POLQ: variants seen among roughly 807,000 people sequenced by gnomAD.
The protein encoded by POLQ is DNA polymerase theta.
POLQ carries 233 observed loss-of-function variants against 259.2 expected under a neutral mutation model. The observed-to-expected ratio is 0.90, with a 90% CI of 0.81 to 1.00. The LOEUF (loss-of-function observed/expected upper bound fraction) is 1.00, where lower values mean the gene tolerates loss of function less well. Ranked by LOEUF, POLQ falls within the 50% of genes least tolerant of loss-of-function variation. POLQ has a pLI of 0.00. For synonymous variants in POLQ, 1,025 were observed against 1,048.8 expected (o/e 0.98, Z 0.44); for missense variants, 2,871 against 3,051.6 (o/e 0.94, Z 1.39).
chr3:121,539,665 A>C, intron 3 of POLQ, 76 bp from the exon 4 acceptor site: 1 of 1,071,792 alleles, frequency 9.3e-7, no homozygotes, highest in Non-Finnish European at 1.4e-6. Flanking sequence ...CTATCCCAGA[A>C]CATAGACATA....
chr3:121,512,135 GA>G (rs2048260201), intron 9 of POLQ, 106 bp from the exon 10 acceptor site: 1 of 894,872 alleles, frequency 1.1e-6, no homozygotes, highest in Admixed American at 2.6e-5. Context: ...GACAAGAGAT[GA>G]TAGTGGTTGT....
intron 26 of POLQ, among the ~76,000 whole-genome samples, chr3:121,440,623 A>G (rs1465241914): frequency 1.3e-5 from 2 of 152,184 alleles, no homozygotes; most frequent in Non-Finnish European, 2.9e-5. Flanking sequence ...GGTGTGAGCT[A>G]CTACATGGCC....
intron 9 of POLQ, among the ~76,000 whole-genome samples, chr3:121,519,414 G>C (rs2108812181): frequency 6.8e-6 from 1 of 146,152 alleles, no homozygotes; most frequent in East Asian, 2.0e-4. Context: ...GGTGGCTCAA[G>C]CCTGTAATCC....
Position 121,487,835 on chromosome 3 carries a change from T to G in POLQ, c.5096A>C (p.Asn1699Thr), listed in dbSNP as rs2048026297. The G allele has an allele frequency of 6.2e-7, 1 of 1,609,756 alleles. No individual in the cohort carries two copies. Among genetic ancestry groups the G allele is most frequent in the East Asian group, 2.2e-5 (1 of 44,868 alleles). The change falls in exon 16 of 30, where the codon AAT (asparagine) becomes ACT (threonine). Residue 1699 changes from asparagine (N) to threonine (T), a missense_variant. Physicochemically the swap from Asn to Thr is moderately conservative, Grantham distance 65 (BLOSUM62 0). This residue lies in a region of POLQ where 2,080 missense variants were observed against 2,126.0 expected (regional missense o/e 0.98). Transcript: ENST00000264233. ...CATCTCAATCTTGCTTTTTACTTCA[T>G]TATTAGAAGAAAATGAAATTCCCTG... ...QVQGISFSSN[N>T]EVKSKIEMLE...
At chr3:121,491,397 C>T (rs2048067808) in intron 15 of POLQ, among the ~76,000 whole-genome samples, 1 of 145,840 alleles carries the variant, frequency 6.9e-6, no homozygotes, top group African/African-American at 2.5e-5. Context: ...AAAACGAATG[C>T]TTCTGTACAA....
chr3:121,460,582 G>C (rs1042855406), intron 24 of POLQ, among the ~76,000 whole-genome samples: 1 of 152,124 alleles, frequency 6.6e-6, no homozygotes, highest in African/African-American at 2.4e-5. Flanking sequence ...AGAATAGGAA[G>C]CTTAATTTTC....
Position 121,440,006 on chromosome 3 carries a change from A to C in POLQ, c.7375T>G (p.Tyr2459Asp). Reference protein sequence around the residue: ...YLPGIKDNNPYRKAHAERQAI... With the variant: ...YLPGIKDNNPDRKAHAERQAI... ...TTTCAACATACGTGAGCTTTACGAT[A>C]AGGGTTGTTGTCTTTGATTCCTGGC... The change falls in exon 27 of 30, where the codon TAT becomes GAT. Residue 2459 changes from tyrosine to aspartate, a missense_variant. This residue lies in a region of POLQ where 2,080 missense variants were observed against 2,126.0 expected (regional missense o/e 0.98). Coordinates refer to ENST00000264233, the MANE Select transcript of POLQ (RefSeq NM_199420.4). The C allele has an allele frequency of 6.2e-7, 1 of 1,613,542 alleles. No individual in the cohort carries two copies.
At chr3:121,499,575 T>C (rs914835228) in intron 12 of POLQ, among the ~76,000 whole-genome samples, 1 of 152,162 alleles carries the variant, frequency 6.6e-6, no homozygotes, top group Non-Finnish European at 1.5e-5. Flanking sequence ...TTTTTAATTA[T>C]AGACACTTCT....
At chr3:121,528,344 A>ATT (rs369377736) in intron 7 of POLQ, among the ~76,000 whole-genome samples, 5 of 138,196 alleles carry the variant, frequency 3.6e-5, no homozygotes, top group Non-Finnish European at 6.3e-5. Context: ...GGAAATTTTA[A>ATT]TTTTTTTTTT....
At chr3:121,447,777 T>C (rs1411051814) in intron 26 of POLQ, among the ~76,000 whole-genome samples, 1 of 152,216 alleles carries the variant, frequency 6.6e-6, no homozygotes, top group Non-Finnish European at 1.5e-5. Flanking sequence ...TCTGAGAAAG[T>C]CTTTATTTCT....
intron 9 of POLQ, among the ~76,000 whole-genome samples, chr3:121,518,856 T>A (rs192653861): frequency 6.6e-6 from 1 of 152,246 alleles, no homozygotes; most frequent in East Asian, 1.9e-4. Flanking sequence ...GCAGGGAATG[T>A]TCCTCCCAAG....
intron 1 of POLQ, 35 bp downstream of exon 1, chr3:121,545,680 C>A: frequency 6.6e-7 from 1 of 1,522,108 alleles, no homozygotes. Flanking sequence ...CGGAGCTGCC[C>A]CCGTTGCCCG....
intron 26 of POLQ, among the ~76,000 whole-genome samples, chr3:121,444,763 G>A (rs1198596721): frequency 6.6e-6 from 1 of 152,080 alleles, no homozygotes; most frequent in African/African-American, 2.4e-5. Context: ...CTTTTATTAT[G>A]TAGAGGTATG....
rs1293905552 is a variant in POLQ at position 121,481,830 on chromosome 3, G to C, written c.5971-18C>G. The C allele has an allele frequency of 6.4e-7, 1 of 1,572,286 alleles. No individual in the cohort carries two copies. The highest frequency in any genetic ancestry group is 8.6e-7 in the Non-Finnish European group (1 of 1,157,740). On this transcript the variant is annotated intron_variant, in intron 18 of 29. Coordinates refer to ENST00000264233, the MANE Select transcript of POLQ (RefSeq NM_199420.4). ...CATGCCACCTGAATGGGATAGCAAT[G>C]AGAATATTTTCCTGATTTTTTTCAA...
rs369746980 is a variant in POLQ at position 121,539,483 on chromosome 3, G to C, written c.581C>G (p.Ala194Gly). The C allele has an allele frequency of 3.7e-6, 6 of 1,613,020 alleles. No individual in the cohort carries two copies. In the African/African-American group the frequency reaches 6.7e-5, roughly 18 times the overall value. ...TATGAGGCGATTGATCAGACCATTG[G>C]CTCTCTCAATTGTGCAGACTGCAAT... is the stretch of plus-strand genomic sequence containing the variant. The part of the protein sequence containing the change: ...LDIAVCTIER[A>G]NGLINRLIEE... The change falls in exon 4 of 30, where the codon GCC (alanine) becomes GGC (glycine). Residue 194 changes from alanine (A) to glycine (G), a missense_variant. This residue lies in a region of POLQ where 783 missense variants were observed against 906.2 expected (regional missense o/e 0.86). Coordinates refer to ENST00000264233, the MANE Select transcript of POLQ (RefSeq NM_199420.4).
At chr3:121,493,742 T>G (rs775363444) in intron 14 of POLQ, 21 bp from the exon 15 acceptor site, 29 of 1,588,720 alleles carry the variant, frequency 1.8e-5, no homozygotes, top group Non-Finnish European at 2.4e-5. Flanking sequence ...CATAGAATAT[T>G]TGTTGAATTC....
chr3:121,467,594 G>A lies in POLQ; in HGVS notation c.6892C>T (p.Gln2298Ter), dbSNP rs749996073. Residue 2298 changes from glutamine (Q) to a stop codon, truncating the protein, a stop_gained, in exon 24 of 30, where the codon CAG (glutamine) becomes TAG (stop). Transcript: ENST00000264233. LOFTEE classifies it high-confidence loss of function. ...CTGTCTGCAGCTCTCTCCTCCATCT[G>A]TGCCTGGCATCTAGGATTCACGCTG... ...GFSVNPRCQA[Q>*]MEERAADRGM... 4.3e-6 allele frequency: 7 copies of A among 1,613,692 alleles called. No homozygotes were observed. The highest frequency in any genetic ancestry group is 5.1e-6 in the Non-Finnish European group (6 of 1,179,630).
rs1447439252 is a variant in POLQ at position 121,440,773 on chromosome 3, T to TC, written c.7265-658dup. 2.6e-5 allele frequency among the ~76,000 whole-genome samples: 4 copies of TC among 152,138 alleles called. No individual in the cohort carries two copies. In the East Asian group the frequency reaches 5.8e-4, roughly 22 times the overall value. On this transcript the variant is annotated intron_variant, in intron 26 of 29. Transcript: ENST00000264233. ...CACAAGTGTCTGTTGATTGTGTGAA[T>TC]CCCCTTTTACTCTTTCATCTTATCA... is the stretch of plus-strand genomic sequence containing the variant.
Position 121,460,081 on chromosome 3 carries a change from A to G in POLQ, c.7121T>C (p.Val2374Ala). Reference sequence around the variant, plus strand: ...TGCCTGCTGCCTCAGATCATCCCCAACAGACTCTGGCTCAATCATCTTCCA... The same window carrying G: ...TGCCTGCTGCCTCAGATCATCCCCAGCAGACTCTGGCTCAATCATCTTCCA... Reference protein sequence around the residue: ...AEWKMIEPESVGDDLRQQAKQ... With the variant: ...AEWKMIEPESAGDDLRQQAKQ... The change falls in exon 25 of 30, where the codon GTT becomes GCT. Residue 2374 changes from valine (V) to alanine (A), a missense_variant. Transcript: ENST00000264233. 6.2e-7 allele frequency: 1 copy of G among 1,614,012 alleles called. No homozygotes were observed. The highest frequency in any genetic ancestry group is 8.5e-7 in the Non-Finnish European group (1 of 1,179,932).
Sources: gnomAD v4.1 joint callset for allele counts (sites outside exome capture counted in the v4.1 genomes callset) on GRCh38, gnomAD v4.1.1 for gene constraint, gnomAD v4.1.1 regional missense constraint, MANE v1.5 for transcripts, NCBI Gene and HGNC (gene_info 2026-07-23, HGNC 2026-07-21) for gene names.